ZNF501: variants seen among roughly 807,000 people sequenced by gnomAD.
ZNF501 encodes zinc finger protein 52.
Under a neutral mutation model 5.7 loss-of-function variants are expected in ZNF501, and 7 were observed. That is an observed-to-expected ratio of 1.24 (90% confidence interval 0.70 to 2.32). ZNF501 has a LOEUF of 2.32. Ranked by LOEUF, ZNF501 falls within the 30% of genes most tolerant of loss-of-function variation. The pLI, the probability that ZNF501 is intolerant of heterozygous loss-of-function variation, is 0.00. For synonymous variants in ZNF501, 107 were observed against 101.9 expected (o/e 1.05, Z -0.30); for missense variants, 352 against 321.1 (o/e 1.10, Z -0.73).
rs1704706243 is a variant in ZNF501, at chr3:44,736,690, A to G, written c.*1453A>G. 1 of 167,058 alleles carries G rather than the reference A, an allele frequency of 6.0e-6. No homozygotes were observed. The highest frequency in any genetic ancestry group is 2.1e-4 in the South Asian group (1 of 4,826). 10.3% of individuals were successfully genotyped at this position (167,058 alleles called of 1,614,324 possible). ...TCGGATTTTAACTATTCTAATAGGT[A>G]TGTAGTGGTATTAATTGTTTTAATC... On this transcript the variant is annotated 3_prime_UTR_variant, in exon 3 of 3. Transcript: ENST00000620116.
chr3:44,733,897 G>A (rs1704653015), intron 2 of ZNF501, among the ~76,000 whole-genome samples: 1 of 152,146 alleles, frequency 6.6e-6, no homozygotes, highest in African/African-American at 2.4e-5. Context: ...GTTTTAGAAA[G>A]GAAACTCTTT....
In ZNF501 at chr3:44,735,123, T is replaced by C. The variant is rs749559913; in HGVS notation, c.702T>C (p.Ser234=). The C allele has an allele frequency of 8.7e-6, 14 of 1,613,884 alleles. No homozygotes were observed. In the South Asian group the frequency reaches 1.5e-4, roughly 18 times the overall value. ...EKTFRKQAHL[S]EHYRIHTGEK... ...CTTTCCGCAAACAAGCACACCTTAG[T>C]GAGCATTACAGAATTCATACTGGAG... The change falls in exon 3 of 3, where the codon AGT becomes AGC. Residue 234 remains serine, a synonymous_variant. Transcript: ENST00000620116.
intron 2 of ZNF501, among the ~76,000 whole-genome samples, chr3:44,732,618 C>T (rs1225662131): frequency 6.6e-6 from 1 of 152,172 alleles, no homozygotes; most frequent in Non-Finnish European, 1.5e-5. Context: ...CCAATAGATC[C>T]ATATGTACCA....
intron 2 of ZNF501, chr3:44,732,181 T>G (rs1033849368): frequency 1.8e-4 from 28 of 152,340 alleles, no homozygotes; most frequent in Middle Eastern, 3.4e-3. Context: ...ATGCATAATA[T>G]ATGTACACTT....
At position 44,735,057 on chromosome 3, in the gene ZNF501, C is replaced by T; in HGVS notation, c.636C>T (p.His212=). 6.2e-7 allele frequency: 1 copy of T among 1,614,160 alleles called. No individual in the cohort carries two copies. Among genetic ancestry groups the T allele is most frequent in the South Asian group, 1.1e-5 (1 of 91,082 alleles). ...NSSLVEHERT[H]TGEKLYKCSE... Reference sequence around the variant, plus strand: ...CCCTTGTTGAACATGAAAGGACTCACACTGGAGAGAAACTTTATAAGTGTA... The same window carrying T: ...CCCTTGTTGAACATGAAAGGACTCATACTGGAGAGAAACTTTATAAGTGTA... The change falls in exon 3 of 3, where the codon CAC becomes CAT. Residue 212 remains histidine (H), a synonymous_variant. Coordinates refer to ENST00000620116, the MANE Select transcript of ZNF501 (RefSeq NM_001258280.2).
At chr3:44,733,330 G>C (rs568168320) in intron 2 of ZNF501, among the ~76,000 whole-genome samples, 2 of 152,032 alleles carry the variant, frequency 1.3e-5, no homozygotes, top group East Asian at 3.9e-4. Flanking sequence ...AGGGCACCAG[G>C]GTTTCAAAAT....
chr3:44,735,015 C>T lies in ZNF501; in HGVS notation c.594C>T (p.Ala198=), dbSNP rs1234708694. ...ACACATGCACTGAATGTGGTAAAGCCTTCACTCAGAACTCTTCCCTTGTTG... is the reference window on the plus strand; with the variant it reads ...ACACATGCACTGAATGTGGTAAAGCTTTCACTCAGAACTCTTCCCTTGTTG... ...KPYTCTECGK[A]FTQNSSLVEH... is the part of the protein sequence containing the mutation. The change falls in exon 3 of 3, where the codon GCC becomes GCT. Residue 198 remains alanine, a synonymous_variant. Transcript: ENST00000620116. 6.2e-7 allele frequency: 1 copy of T among 1,614,142 alleles called. No individual in the cohort carries two copies. The highest frequency in any genetic ancestry group is 8.5e-7 in the Non-Finnish European group (1 of 1,180,020).
intron 1 of ZNF501, among the ~76,000 whole-genome samples, chr3:44,730,744 A>T (rs2009473): frequency 0.43 from 65,915 of 152,004 alleles, 15,864 homozygotes; most frequent in East Asian, 0.83. Context: ...TATTTTCGAG[A>T]AATTCCCCCA....
intron 2 of ZNF501, 118 bp downstream of exon 2, chr3:44,731,678 A>G (rs1559505453): frequency 6.6e-6 from 1 of 152,172 alleles, no homozygotes; most frequent in Non-Finnish European, 1.5e-5. Flanking sequence ...CCCAGCAGAA[A>G]ATGCAGGACC....
chr3:44,730,907 G>A (rs926134150), intron 1 of ZNF501, among the ~76,000 whole-genome samples: 3 of 152,250 alleles, frequency 2.0e-5, no homozygotes, highest in Admixed American at 6.5e-5. Context: ...GGAAGGGCTT[G>A]ATTTGAGGTT....
intron 2 of ZNF501, among the ~76,000 whole-genome samples, chr3:44,733,703 T>A (rs1045824823): frequency 6.6e-6 from 1 of 152,216 alleles, no homozygotes; most frequent in East Asian, 1.9e-4. Flanking sequence ...TCTTACTTTC[T>A]TTCAGTAAGC....
At chr3:44,730,564 C>T (rs913433750) in intron 1 of ZNF501, among the ~76,000 whole-genome samples, 2 of 152,196 alleles carry the variant, frequency 1.3e-5, no homozygotes, top group Non-Finnish European at 2.9e-5. Context: ...ACAGTTTGTT[C>T]AGTGTCAGTT....
chr3:44,734,070 C>A (rs1486792713), intron 2 of ZNF501, 127 bp from the exon 3 acceptor site: 1 of 198,202 alleles, frequency 5.0e-6, no homozygotes, highest in Non-Finnish European at 1.0e-5. Flanking sequence ...TTATTTATCA[C>A]TGTGGGTGCA....
In ZNF501 at chr3:44,734,393, G is replaced by GT. The variant is rs1371544052; in HGVS notation, c.-28dup. On this transcript the variant is annotated 5_prime_UTR_variant, in exon 3 of 3. Coordinates refer to ENST00000620116, the MANE Select transcript of ZNF501 (RefSeq NM_001258280.2). ...AATCACCTTTGAGGAAAAAAAACTT[G>GT]TAAGTATGAATTTGGTGTTACAAGC... The GT allele has an allele frequency of 3.1e-6, 5 of 1,590,156 alleles. No homozygotes were observed. The African/African-American group carries it at 5.4e-5, about 17-fold the overall frequency.
chr3:44,734,455 C>G lies in ZNF501; in HGVS notation c.34C>G (p.His12Asp). 6.2e-7 allele frequency: 1 copy of G among 1,613,652 alleles called. No individual in the cohort carries two copies. Among genetic ancestry groups the G allele is most frequent in the Non-Finnish European group, 8.5e-7 (1 of 1,179,692 alleles). The change falls in exon 3 of 3, where the codon CAT becomes GAT. Residue 12 changes from histidine (H) to aspartate (D), a missense_variant. By Grantham distance (81) the His-to-Asp change is moderately conservative. Transcript: ENST00000620116. ...NSSQISLRMK[H>D]GRVNMQKKPS... ...CAGCCAAATATCACTCAGAATGAAA[C>G]ATGGGAGAGTTAACATGCAGAAGAA...
rs1302070440 is a variant in ZNF501, at chr3:44,734,945, C to T, written c.524C>T (p.Ala175Val). 1.9e-6 allele frequency: 3 copies of T among 1,613,974 alleles called. No homozygotes were observed. The highest frequency in any genetic ancestry group is 1.3e-5 in the African/African-American group (1 of 74,928). Residue 175 changes from alanine to valine, a missense_variant, in exon 3 of 3, where the codon GCA becomes GTA. Transcript: ENST00000620116. ...TGTGGGAAAGCCTTTAATCAGAGTG[C>T]ATGTCTCATGCAGCATCAGAGAATT... ...NECGKAFNQS[A>V]CLMQHQRIHS...
chr3:44,734,517 T>C lies in ZNF501; in HGVS notation c.96T>C (p.Thr32=), dbSNP rs767469820. 3 of 1,614,192 alleles carry C rather than the reference T, an allele frequency of 1.9e-6. No individual in the cohort carries two copies. The highest frequency in any genetic ancestry group is 1.6e-4 in the Middle Eastern group (1 of 6,062). Residue 32 remains threonine, a synonymous_variant, in exon 3 of 3, where the codon ACT becomes ACC. Coordinates refer to ENST00000620116, the MANE Select transcript of ZNF501 (RefSeq NM_001258280.2). ...GTAGTGAATGTGGGAAGTTCTTTAC[T>C]CAGAGATCATCTCTTACCCAGCACC... ...SKCSECGKFF[T]QRSSLTQHQR...
Position 44,734,636 on chromosome 3 carries a change from A to G in ZNF501, c.215A>G (p.His72Arg), listed in dbSNP as rs773179501. 1.2e-6 allele frequency: 2 copies of G among 1,614,218 alleles called. No individual in the cohort carries two copies. Among genetic ancestry groups the G allele is most frequent in the Admixed American group, 3.3e-5 (2 of 60,030 alleles). ...QSNLTQHLRI[H>R]TGEKPYKCNE... ...AATCTTACTCAACATCTGAGAATTC[A>G]TACCGGAGAGAAACCTTATAAATGT... The change falls in exon 3 of 3, where the codon CAT becomes CGT. Residue 72 changes from histidine to arginine, a missense_variant. Transcript: ENST00000620116.
chr3:44,734,611 A>C lies in ZNF501; in HGVS notation c.190A>C (p.Asn64His). 6.2e-7 allele frequency: 1 copy of C among 1,614,150 alleles called. No homozygotes were observed. Among genetic ancestry groups the C allele is most frequent in the Non-Finnish European group, 8.5e-7 (1 of 1,180,006 alleles). ...ECGSCFRKQSNLTQHLRIHTG... is the reference protein window; with the variant it reads ...ECGSCFRKQSHLTQHLRIHTG... ...TGGAAGTTGTTTCCGTAAACAGTCA[A>C]ATCTTACTCAACATCTGAGAATTCA... Residue 64 changes from asparagine (N) to histidine (H), a missense_variant, in exon 3 of 3, where the codon AAT (asparagine) becomes CAT (histidine). Asn to His is a moderately conservative substitution (Grantham distance 68). Coordinates refer to ENST00000620116, the MANE Select transcript of ZNF501 (RefSeq NM_001258280.2).
Sources: gnomAD v4.1 joint callset for allele counts (sites outside exome capture counted in the v4.1 genomes callset) on GRCh38, gnomAD v4.1.1 for gene constraint, MANE v1.5 for transcripts, NCBI Gene and HGNC (gene_info 2026-07-23, HGNC 2026-07-21) for gene names.